The following COL5A1 variants were observed in gnomAD, a reference collection of about 807,000 sequenced individuals.
COL5A1 encodes the protein collagen alpha-1(V) chain.
COL5A1 carries 16 observed loss-of-function variants against 263.7 expected under a neutral mutation model. The ratio of observed to expected loss-of-function variants is 0.06; its 90% CI spans 0.04 to 0.09. COL5A1 has a LOEUF of 0.09. Ranked by LOEUF, COL5A1 falls within the 10% of genes least tolerant of loss-of-function variation. The pLI is 1.00. For synonymous variants in COL5A1, 1,012 were observed against 1,004.5 expected (o/e 1.01, Z -0.14); for missense variants, 2,036 against 2,540.5 (o/e 0.80, Z 4.27).
intron 2 of COL5A1, among the ~76,000 whole-genome samples, chr9:134,699,654 G>C (rs1352775327): frequency 1.3e-5 from 2 of 152,198 alleles, no homozygotes; most frequent in African/African-American, 4.8e-5. Context: ...GCTCCCAGCT[G>C]GAAGGACCAG....
Position 134,677,678 on chromosome 9 carries a change from C to G in COL5A1, c.110-13234C>G, listed in dbSNP as rs1220605164. Among the ~76,000 whole-genome samples the G allele has an allele frequency of 6.6e-6, 1 of 152,234 alleles. No homozygotes were observed. The highest frequency in any genetic ancestry group is 1.5e-5 in the Non-Finnish European group (1 of 68,036). ...CCTTTTCCATCCTGTAGTGAGCCAT[C>G]TGTCTATATCCATCCCTCCATCCTT... On this transcript the variant is annotated intron_variant, in intron 1 of 65. Coordinates refer to ENST00000371817, the MANE Select transcript of COL5A1 (RefSeq NM_000093.5). This position sits in a 1 kb window ranked among gnomAD's most constrained non-coding sequence, Gnocchi z 4.4.
At chr9:134,772,982 A>G (rs890444931) in intron 26 of COL5A1, 148 bp downstream of exon 26, 1 of 851,948 alleles carries the variant, frequency 1.2e-6, no homozygotes. Context: ...CCGCCAAGGG[A>G]CCCAGCCTGG....
At chr9:134,815,002 C>T in intron 50 of COL5A1, 98 bp downstream of exon 50, 1 of 848,890 alleles carries the variant, frequency 1.2e-6, no homozygotes, top group Non-Finnish European at 1.9e-6. Context: ...GCTCTGAGAA[C>T]AGCTTCAAGA....
intron 18 of COL5A1, among the ~76,000 whole-genome samples, chr9:134,760,066 T>TGATA (rs1836263271): frequency 1.9e-5 from 1 of 52,656 alleles, no homozygotes. Flanking sequence ...ACCCCCACAC[T>TGATA]CATACATGCA....
rs1838887313 is a variant in COL5A1 at position 134,819,071 on chromosome 9, G to A, written c.4446+18G>A. The A allele has an allele frequency of 6.2e-7, 1 of 1,612,790 alleles. No homozygotes were observed. Among genetic ancestry groups the A allele is most frequent in the Admixed American group, 1.7e-5 (1 of 60,008 alleles). On this transcript the variant is annotated intron_variant, in intron 57 of 65. Transcript: ENST00000371817. Reference sequence around the variant, plus strand: ...GTGAAAAGGTAAGAGGGGCCTCCCTGCCCCAGCAACTGTGACTCGGGGCCT... The same window carrying A: ...GTGAAAAGGTAAGAGGGGCCTCCCTACCCCAGCAACTGTGACTCGGGGCCT...
Position 134,681,661 on chromosome 9 carries a change from A to T in COL5A1, c.110-9251A>T, listed in dbSNP as rs970217160. Among the ~76,000 whole-genome samples, 2 of 152,134 alleles carry T rather than the reference A, an allele frequency of 1.3e-5. No individual in the cohort carries two copies. Among genetic ancestry groups the T allele is most frequent in the Non-Finnish European group, 2.9e-5 (2 of 68,016 alleles). On this transcript the variant is annotated intron_variant, in intron 1 of 65. Transcript: ENST00000371817. This position sits in a 1 kb window ranked among gnomAD's most constrained non-coding sequence, Gnocchi z 4.3. ...CCAGCATGGCACCAGCCTGCGAGTG[A>T]CCATGCTCACCTGCCCTGTACCTCG...
chr9:134,661,281 C>T (rs979620699), intron 1 of COL5A1, among the ~76,000 whole-genome samples: 1 of 151,802 alleles, frequency 6.6e-6, no homozygotes, highest in African/African-American at 2.4e-5. Flanking sequence ...AATTGTCCCA[C>T]ATCTGACATT....
intron 31 of COL5A1, 107 bp downstream of exon 31, chr9:134,786,155 A>T: frequency 9.4e-7 from 1 of 1,062,534 alleles, no homozygotes; most frequent in Non-Finnish European, 1.4e-6. Context: ...AGGTGGAAGG[A>T]TGTTCTGCCG....
At chr9:134,709,921 G>A (rs1170121121) in intron 4 of COL5A1, among the ~76,000 whole-genome samples, 1 of 152,184 alleles carries the variant, frequency 6.6e-6, no homozygotes, top group Non-Finnish European at 1.5e-5. Context: ...GGGAGCAAAG[G>A]GGCAGGGCGT....
At chr9:134,662,561 C>T (rs935865126) in intron 1 of COL5A1, among the ~76,000 whole-genome samples, 33 of 152,220 alleles carry the variant, frequency 2.2e-4, no homozygotes, top group Admixed American at 4.6e-4. Flanking sequence ...GGGGACATTC[C>T]GCGCTCCTTG....
At chr9:134,730,944 G>A (rs1834857219) in intron 7 of COL5A1, among the ~76,000 whole-genome samples, 2 of 152,218 alleles carry the variant, frequency 1.3e-5, no homozygotes, top group Admixed American at 1.3e-4. Context: ...AGACAGGCCT[G>A]AAAGCTCTGC....
chr9:134,705,371 G>A (rs570712033), intron 4 of COL5A1, among the ~76,000 whole-genome samples: 7 of 152,348 alleles, frequency 4.6e-5, no homozygotes, highest in African/African-American at 9.6e-5. Context: ...AGCCCCCTGC[G>A]CCTGCAGACC....
rs1204892518 is a variant in COL5A1 at position 134,806,264 on chromosome 9, C to T, written c.3334C>T (p.Pro1112Ser). 6 of 1,549,668 alleles carry T rather than the reference C, an allele frequency of 3.9e-6. No individual in the cohort carries two copies. Among genetic ancestry groups the T allele is most frequent in the Non-Finnish European group, 5.2e-6 (6 of 1,146,724 alleles). ...TCCAGGGAGACCTGGGCCCCAGGGA[C>T]CCCCAGGGCCGGCAGGAGAGAAAGG... ...GIPGRPGPQGPPGPAGEKGAP... is the reference protein window; with the variant it reads ...GIPGRPGPQGSPGPAGEKGAP... Residue 1112 changes from proline (P) to serine (S), a missense_variant, in exon 42 of 66, where the codon CCC (proline) becomes TCC (serine). Around this residue, in one of 3 missense-constraint regions of COL5A1, gnomAD observed 1,078 missense variants for 1,521.4 expected, o/e 0.71. Transcript: ENST00000371817.
In COL5A1 at chr9:134,765,797, G is replaced by A; in HGVS notation, c.2088+63G>A. 7.1e-7 allele frequency: 1 copy of A among 1,415,180 alleles called. No homozygotes were observed. The highest frequency in any genetic ancestry group is 9.9e-7 in the Non-Finnish European group (1 of 1,014,644). The allele number at this position is 1,415,180 out of a possible 1,614,324, so 87.7% of individuals were successfully genotyped here. ...TCGGCCTTTGAGACCCCGCCTCCCAGCCGGTGGACGCTTGGGCACTGGGGC... is the reference window on the plus strand; with the variant it reads ...TCGGCCTTTGAGACCCCGCCTCCCAACCGGTGGACGCTTGGGCACTGGGGC... On this transcript the variant is annotated intron_variant, in intron 21 of 65. Transcript: ENST00000371817. This position sits in a 1 kb window ranked among gnomAD's most constrained non-coding sequence, Gnocchi z 5.1.
chr9:134,805,302 C>T, intron 41 of COL5A1, 88 bp downstream of exon 41: 3 of 1,466,398 alleles, frequency 2.0e-6, no homozygotes, highest in Non-Finnish European at 2.9e-6. Flanking sequence ...GAGCATGCAG[C>T]TGCCCCAGAC....
intron 50 of COL5A1, 82 bp downstream of exon 50, chr9:134,814,986 C>T (rs1838686654): frequency 2.0e-6 from 2 of 980,218 alleles, no homozygotes; most frequent in South Asian, 1.5e-5. Context: ...ACTGGCGGTG[C>T]ACTCTGCTCT....
intron 4 of COL5A1, chr9:134,708,818 C>T (rs767107620): frequency 8.8e-6 from 4 of 456,642 alleles, no homozygotes; most frequent in Admixed American, 2.3e-5. Flanking sequence ...GCCAGAATTC[C>T]AAGATCGAGG....
chr9:134,655,098 T>G (rs544682974), intron 1 of COL5A1, among the ~76,000 whole-genome samples: 23 of 42,710 alleles, frequency 5.4e-4, no homozygotes, highest in South Asian at 1.9e-3. Context: ...GTAGGGCTGG[T>G]GTGTGTAGGG....
intron 4 of COL5A1, among the ~76,000 whole-genome samples, chr9:134,714,820 GCGA>G (rs1236159061): frequency 1.4e-4 from 11 of 77,528 alleles, no homozygotes; most frequent in East Asian, 9.0e-4. Flanking sequence ...GGTGGTGGAG[GCGA>G]TGATGGTGGT....
Sources: gnomAD v4.1 joint callset for allele counts (sites outside exome capture counted in the v4.1 genomes callset) on GRCh38, gnomAD v4.1.1 for gene constraint, gnomAD v4.1.1 regional missense constraint, Gnocchi (gnomAD v3.1) non-coding constraint, MANE v1.5 for transcripts, NCBI Gene and HGNC (gene_info 2026-07-23, HGNC 2026-07-21) for gene names.